Variants in DLGAP2 observed in about 807,000 individuals in gnomAD.
DLGAP2 encodes the protein disks large-associated protein 2.
A neutral mutation model predicts 100.3 loss-of-function variants in DLGAP2; 26 were observed. The ratio of observed to expected loss-of-function variants is 0.26; its 90% CI spans 0.19 to 0.36. DLGAP2 has a LOEUF of 0.36. Among genes scored for constraint, DLGAP2 ranks in the 10% least tolerant of loss-of-function variants. DLGAP2 has a pLI of 1.00. For synonymous variants in DLGAP2, 886 were observed against 630.1 expected (o/e 1.41, Z -6.08); for missense variants, 1,858 against 1,453.2 (o/e 1.28, Z -4.53).
chr8:1,101,029 G>A (rs761464557), intron 2 of DLGAP2, among the ~76,000 whole-genome samples: 8 of 152,188 alleles, frequency 5.3e-5, no homozygotes, highest in Admixed American at 1.3e-4. Flanking sequence ...GTCCCACGTG[G>A]GGTTTCTTCT....
At chr8:1,598,782 T>G (rs1796536195) in intron 6 of DLGAP2, among the ~76,000 whole-genome samples, 1 of 152,134 alleles carries the variant, frequency 6.6e-6, no homozygotes, top group Non-Finnish European at 1.5e-5. Context: ...TGGGTAGTGG[T>G]CTATCTATTT....
chr8:999,162 G>C (rs1396711627), intron 2 of DLGAP2, among the ~76,000 whole-genome samples: 1 of 151,930 alleles, frequency 6.6e-6, no homozygotes, highest in Non-Finnish European at 1.5e-5. Context: ...TGAGAGTACA[G>C]TTAGTGCACC....
At chr8:1,196,476 G>T (rs563977421) in intron 2 of DLGAP2, among the ~76,000 whole-genome samples, 106 of 152,230 alleles carry the variant, frequency 7.0e-4, no homozygotes, top group African/African-American at 2.4e-3. Flanking sequence ...GGAAATATTC[G>T]TGCTTTCCTC....
At chr8:1,617,184 C>T (rs1482607140) in intron 6 of DLGAP2, among the ~76,000 whole-genome samples, 1 of 152,144 alleles carries the variant, frequency 6.6e-6, no homozygotes, top group Non-Finnish European at 1.5e-5. Context: ...AATAGTGCTG[C>T]AATGAATGTG....
Position 942,471 on chromosome 8 carries a change from A to G in DLGAP2, c.73+34505A>G, listed in dbSNP as rs188949112. ...ACTTTTCCCACTCACATCATCCAGA[A>G]CAGCCAAAATCCATCTCCAGGTCCA... On this transcript the variant is annotated intron_variant, in intron 2 of 14. Transcript: ENST00000637795. 3.5e-4 allele frequency among the ~76,000 whole-genome samples: 53 copies of G among 152,324 alleles called. 1 individual carries two copies. The highest frequency in any genetic ancestry group is 5.8e-4 in the African/African-American group (24 of 41,566).
intron 6 of DLGAP2, chr8:1,622,212 C>G (rs1413149574): frequency 6.6e-6 from 1 of 152,206 alleles, no homozygotes; most frequent in South Asian, 2.1e-4. Context: ...GGAAGAAACA[C>G]TTCTTATATT....
chr8:891,886 G>C (rs971044621), intron 1 of DLGAP2, among the ~76,000 whole-genome samples: 2 of 152,190 alleles, frequency 1.3e-5, no homozygotes, highest in African/African-American at 2.4e-5. Context: ...CTGCTGCAGG[G>C]AAGCCGGGCT....
intron 1 of DLGAP2, among the ~76,000 whole-genome samples, chr8:866,533 C>T (rs1044534182): frequency 2.6e-5 from 4 of 152,052 alleles, no homozygotes; most frequent in Non-Finnish European, 5.9e-5. Flanking sequence ...GAGGGCCTGG[C>T]CTGTCAGTTG....
intron 3 of DLGAP2, among the ~76,000 whole-genome samples, chr8:1,373,127 G>C (rs1802287393): frequency 6.6e-6 from 1 of 152,220 alleles, no homozygotes; most frequent in East Asian, 1.9e-4. Context: ...GCGCCAGCAT[G>C]TGGGGCGGGG....
chr8:1,363,979 C>T (rs1211218733), intron 3 of DLGAP2, among the ~76,000 whole-genome samples: 1 of 152,192 alleles, frequency 6.6e-6, no homozygotes, highest in African/African-American at 2.4e-5. Context: ...GGATGCCTCC[C>T]CAGCCCCTCA....
rs976366374 is a variant in DLGAP2, at chr8:1,707,731, A to T, written c.*6325A>T. Reference sequence around the variant, plus strand: ...AAATGCCTCCTATAGAAATTCAAGGAATGTTAGAACCAGGAAACTAGCTGT... The same window carrying T: ...AAATGCCTCCTATAGAAATTCAAGGTATGTTAGAACCAGGAAACTAGCTGT... On this transcript the variant is annotated 3_prime_UTR_variant, in exon 15 of 15. Transcript: ENST00000637795. The T allele has an allele frequency of 6.6e-6, 1 of 152,196 alleles. No homozygotes were observed. The highest frequency in any genetic ancestry group is 2.4e-5 in the African/African-American group (1 of 41,412). 9.4% of individuals were successfully genotyped at this position (152,196 alleles called of 1,614,324 possible).
chr8:1,105,618 GT>G (rs36027314), intron 2 of DLGAP2, among the ~76,000 whole-genome samples: 110,452 of 140,090 alleles, frequency 0.79, 43,359 homozygotes, highest in Non-Finnish European at 0.84. Context: ...CCATTCTAGG[GT>G]TTTTTTTTTT....
chr8:1,118,261 C>T (rs973765537), intron 2 of DLGAP2, among the ~76,000 whole-genome samples: 1 of 152,188 alleles, frequency 6.6e-6, no homozygotes, highest in Non-Finnish European at 1.5e-5. Context: ...GGGGGAACTT[C>T]TTCAGCTTCA....
intron 3 of DLGAP2, among the ~76,000 whole-genome samples, chr8:1,360,115 G>A (rs979407015): frequency 1.1e-4 from 16 of 151,998 alleles, no homozygotes; most frequent in African/African-American, 3.6e-4. Context: ...GGAGGAGAGC[G>A]GGTTGCAGGG....
At chr8:1,437,270 C>A (rs914528532) in intron 3 of DLGAP2, among the ~76,000 whole-genome samples, 1 of 152,202 alleles carries the variant, frequency 6.6e-6, no homozygotes, top group Admixed American at 6.5e-5. Flanking sequence ...CCATCCGGGT[C>A]TCCGTTCAGC....
intron 4 of DLGAP2, among the ~76,000 whole-genome samples, chr8:1,536,824 C>G (rs911187680): frequency 6.6e-6 from 1 of 152,204 alleles, no homozygotes; most frequent in Non-Finnish European, 1.5e-5. Context: ...CACTTTGACA[C>G]CATTGAACTA....
intron 2 of DLGAP2, among the ~76,000 whole-genome samples, chr8:1,043,936 T>C (rs1802445093): frequency 6.8e-6 from 1 of 146,220 alleles, no homozygotes; most frequent in Admixed American, 6.7e-5. Flanking sequence ...TCAGCTGGGG[T>C]GCAGTTGCTT....
chr8:1,214,845 A>G (rs1798180705), intron 2 of DLGAP2, among the ~76,000 whole-genome samples: 1 of 152,264 alleles, frequency 6.6e-6, no homozygotes, highest in Non-Finnish European at 1.5e-5. Flanking sequence ...ATTAAAGCCA[A>G]GCCATCTGTT....
At chr8:1,228,400 C>G (rs1585170241) in intron 2 of DLGAP2, among the ~76,000 whole-genome samples, 2 of 152,268 alleles carry the variant, frequency 1.3e-5, no homozygotes, top group East Asian at 3.9e-4. Flanking sequence ...AAATTAATAA[C>G]AATCTTACAT....
Sources: allele counts gnomAD v4.1 joint callset (sites outside exome capture counted in the v4.1 genomes callset), GRCh38; gene constraint gnomAD v4.1.1; transcripts MANE v1.5; gene names NCBI Gene and HGNC (gene_info 2026-07-23, HGNC 2026-07-21).